The following PTPRT variants were observed in gnomAD, a reference collection of about 807,000 sequenced individuals.
PTPRT encodes protein tyrosine phosphatase receptor type T.
A neutral mutation model predicts 176.8 loss-of-function variants in PTPRT; 56 were observed. That is an observed-to-expected ratio of 0.32 (90% CI 0.26 to 0.40). The LOEUF (loss-of-function observed/expected upper bound fraction) is 0.40, where lower values mean the gene tolerates loss of function less well. Ranked by LOEUF, PTPRT falls within the 10% of genes least tolerant of loss-of-function variation. The pLI is 1.00. For synonymous variants in PTPRT, 783 were observed against 739.0 expected (o/e 1.06, Z -0.96); for missense variants, 1,540 against 1,908.2 (o/e 0.81, Z 3.60).
At chr20:42,396,584 C>T (rs984088121) in intron 9 of PTPRT, among the ~76,000 whole-genome samples, 22 of 152,192 alleles carry the variant, frequency 1.4e-4, no homozygotes, top group Admixed American at 9.8e-4. Flanking sequence ...TTGTTTGAGA[C>T]GCAGTCTTGC....
intron 11 of PTPRT, among the ~76,000 whole-genome samples, chr20:42,342,871 A>G (rs1239886257): frequency 2.6e-5 from 4 of 152,202 alleles, no homozygotes; most frequent in Admixed American, 6.5e-5. Context: ...TGTATCTCCA[A>G]TTGGTACTGT....
intron 7 of PTPRT, among the ~76,000 whole-genome samples, chr20:42,479,947 A>G (rs1244553860): frequency 1.3e-5 from 2 of 152,188 alleles, no homozygotes; most frequent in East Asian, 3.8e-4. Flanking sequence ...CACAATATAG[A>G]AGCACTAGAT....
chr20:43,166,949 G>A (rs937240307), intron 1 of PTPRT, among the ~76,000 whole-genome samples: 2 of 152,272 alleles, frequency 1.3e-5, no homozygotes, highest in East Asian at 3.9e-4. Flanking sequence ...TACCCCTCCT[G>A]AATCCCAGTT....
chr20:42,925,893 C>T (rs1979451457), intron 1 of PTPRT, among the ~76,000 whole-genome samples: 1 of 152,218 alleles, frequency 6.6e-6, no homozygotes, highest in African/African-American at 2.4e-5. Flanking sequence ...TGAGTACCTT[C>T]TGGTACTGCA....
At chr20:42,718,345 G>A (rs1378002279) in intron 6 of PTPRT, among the ~76,000 whole-genome samples, 2 of 152,142 alleles carry the variant, frequency 1.3e-5, no homozygotes, top group Non-Finnish European at 2.9e-5. Flanking sequence ...AGACCATACT[G>A]GCTAACACGG....
chr20:42,352,077 G>C lies in PTPRT; in HGVS notation c.1762+7C>G, dbSNP rs1404833191. On this transcript the variant is annotated splice_region_variant and intron_variant, in intron 10 of 30. Coordinates refer to ENST00000373187, the MANE Select transcript of PTPRT (RefSeq NM_007050.6). ...CTTTTTTCCTTTTTCCTTTCTAGCA[G>C]AGATACCTGAAATTTTGGTGGCAAT... The C allele has an allele frequency of 1.2e-6, 2 of 1,612,410 alleles. No homozygotes were observed. The highest frequency in any genetic ancestry group is 1.3e-5 in the African/African-American group (1 of 74,852).
chr20:42,881,340 T>C (rs756367658), intron 2 of PTPRT, among the ~76,000 whole-genome samples: 3 of 152,048 alleles, frequency 2.0e-5, no homozygotes, highest in Non-Finnish European at 2.9e-5. Flanking sequence ...AAGAACAGGA[T>C]GTTATGAGTG....
intron 16 of PTPRT, among the ~76,000 whole-genome samples, chr20:42,191,358 A>C (rs975403839): frequency 3.9e-5 from 6 of 152,202 alleles, no homozygotes; most frequent in Non-Finnish European, 5.9e-5. Flanking sequence ...GAATATTTAG[A>C]GGTTAATTAA....
chr20:42,448,657 G>A (rs1157326959), intron 8 of PTPRT, among the ~76,000 whole-genome samples: 1 of 152,116 alleles, frequency 6.6e-6, no homozygotes. Flanking sequence ...TCTGCAGACT[G>A]AGCAAGTCGG....
In PTPRT at chr20:43,016,552, CTT is replaced by C. The variant is rs11482189; in HGVS notation, c.89-130622_89-130621del. 1.7e-3 allele frequency among the ~76,000 whole-genome samples: 129 copies of C among 76,200 alleles called. 1 individual carries two copies. Among genetic ancestry groups the C allele is most frequent in the Non-Finnish European group, 2.1e-3 (89 of 41,926 alleles). The allele number at this position is 76,200 out of a possible 152,430, so 50.0% of individuals were successfully genotyped here. On this transcript the variant is annotated intron_variant, in intron 1 of 30. Coordinates refer to ENST00000373187, the MANE Select transcript of PTPRT (RefSeq NM_007050.6). Reference sequence around the variant, plus strand: ...CATTTCTCTAACTGCTCTAAGGCCACTTTTTTTTTTTTTTTTTTTTTTTTTTT... The same window carrying C: ...CATTTCTCTAACTGCTCTAAGGCCACTTTTTTTTTTTTTTTTTTTTTTTTT...
chr20:42,801,301 A>T (rs2077527397), intron 2 of PTPRT, among the ~76,000 whole-genome samples: 1 of 152,008 alleles, frequency 6.6e-6, no homozygotes, highest in Non-Finnish European at 1.5e-5. Flanking sequence ...TCTGCTAAAG[A>T]TCGCCCCCAG....
At chr20:42,916,875 G>A (rs928486341) in intron 1 of PTPRT, among the ~76,000 whole-genome samples, 14 of 152,106 alleles carry the variant, frequency 9.2e-5, no homozygotes, top group Non-Finnish European at 1.8e-4. Flanking sequence ...TTTGTCAGAT[G>A]AGTAGGTTGC....
intron 1 of PTPRT, among the ~76,000 whole-genome samples, chr20:43,080,175 G>A (rs2011399999): frequency 6.6e-6 from 1 of 152,140 alleles, no homozygotes; most frequent in Non-Finnish European, 1.5e-5. Flanking sequence ...TATGAAAGGA[G>A]GTGACATATG....
chr20:42,773,622 T>C (rs2077093534), intron 4 of PTPRT, among the ~76,000 whole-genome samples: 1 of 152,220 alleles, frequency 6.6e-6, no homozygotes, highest in Non-Finnish European at 1.5e-5. Context: ...TCTAGTCAAC[T>C]TGACAAATGC....
At chr20:42,817,605 T>A (rs985091400) in intron 2 of PTPRT, among the ~76,000 whole-genome samples, 6 of 152,206 alleles carry the variant, frequency 3.9e-5, no homozygotes, top group Admixed American at 1.3e-4. Context: ...AAAAACAATC[T>A]CTAATCCATT....
At chr20:42,671,146 C>T (rs987785856) in intron 7 of PTPRT, among the ~76,000 whole-genome samples, 7 of 152,146 alleles carry the variant, frequency 4.6e-5, no homozygotes, top group African/African-American at 1.2e-4. Flanking sequence ...TTACTGACCT[C>T]GGCATCCACT....
intron 26 of PTPRT, 60 bp from the exon 27 acceptor site, chr20:42,098,612 T>C (rs760209695): frequency 1.4e-4 from 229 of 1,600,610 alleles, no homozygotes; most frequent in Non-Finnish European, 1.9e-4. Context: ...ATTCTGATGA[T>C]GATGAGGCCT....
chr20:42,788,569 G>T (rs1266332754), intron 3 of PTPRT, among the ~76,000 whole-genome samples: 1 of 152,188 alleles, frequency 6.6e-6, no homozygotes, highest in African/African-American at 2.4e-5. Flanking sequence ...CAGGCTGCTT[G>T]CAGATCTCCA....
chr20:42,655,065 T>C (rs1039711159), intron 7 of PTPRT, among the ~76,000 whole-genome samples: 1 of 152,152 alleles, frequency 6.6e-6, no homozygotes, highest in Non-Finnish European at 1.5e-5. Context: ...GTAATACCCC[T>C]TCCACCCTGA....
Sources: gnomAD v4.1 joint callset for allele counts (sites outside exome capture counted in the v4.1 genomes callset) on GRCh38, gnomAD v4.1.1 for gene constraint, MANE v1.5 for transcripts, NCBI Gene and HGNC (gene_info 2026-07-23, HGNC 2026-07-21) for gene names.